Variants in FCMR observed in about 807,000 individuals in gnomAD.
FCMR encodes the protein Fc mu receptor.
In FCMR, 34 loss-of-function variants were observed where a neutral mutation model predicts 41.6. The observed-to-expected ratio is 0.82, with a 90% CI of 0.62 to 1.09. The LOEUF (loss-of-function observed/expected upper bound fraction) is 1.09, where lower values mean the gene tolerates loss of function less well. Ranked by LOEUF, FCMR falls within the 50% of genes least tolerant of loss-of-function variation. The pLI, the probability that FCMR is intolerant of heterozygous loss-of-function variation, is 0.00. For missense variants in FCMR, 496 were observed against 512.5 expected, an observed-to-expected ratio of 0.97 and a Z score of 0.31; for synonymous variants, 209 against 211.8, an observed-to-expected ratio of 0.99 and a Z score of 0.12.
chr1:206,920,949 G>C (rs1679412433), intron 1 of FCMR, among the ~76,000 whole-genome samples: 1 of 152,236 alleles, frequency 6.6e-6, no homozygotes, highest in Non-Finnish European at 1.5e-5. Context: ...AGCCATTCTG[G>C]CATTTTGTGG....
intron 1 of FCMR, among the ~76,000 whole-genome samples, chr1:206,921,160 T>A (rs1679424083): frequency 6.6e-6 from 1 of 152,194 alleles, no homozygotes; most frequent in Non-Finnish European, 1.5e-5. Context: ...GAATTTTCAT[T>A]TAGGGTTGAA....
At position 206,910,226 on chromosome 1, in the gene FCMR, G is replaced by C. The variant is rs1678870267; in HGVS notation, c.825C>G (p.Ala275=). The C allele has an allele frequency of 1.2e-6, 2 of 1,602,270 alleles. No homozygotes were observed. Among genetic ancestry groups the C allele is most frequent in the East Asian group, 2.3e-5 (1 of 44,342 alleles). ...GCCGCTCACCTTTCCTCCTTTCAAC[G>C]GCCCTTTTCACCACCAGCCCCAGAA... ...LALLGLVVKR[A]VERRKALSRR... is the part of the protein sequence containing the mutation. The change falls in exon 5 of 8, where the codon GCC becomes GCG. Residue 275 remains alanine (A), a synonymous_variant. Coordinates refer to ENST00000367091, the MANE Select transcript of FCMR (RefSeq NM_005449.5).
Position 206,904,766 on chromosome 1 carries a change from A to C in FCMR, c.*253T>G. ...TGTTCGACGGCTTGGAAAGGAAGCA[A>C]GTGGCATTGGGACAATTGCTCTACA... On this transcript the variant is annotated 3_prime_UTR_variant, in exon 8 of 8. Coordinates refer to ENST00000367091, the MANE Select transcript of FCMR (RefSeq NM_005449.5). 2 of 473,062 alleles carry C rather than the reference A, an allele frequency of 4.2e-6. No homozygotes were observed. The highest frequency in any genetic ancestry group is 4.7e-5 in the South Asian group (2 of 42,376). The allele number at this position is 473,062 out of a possible 1,614,324, so 29.3% of individuals were successfully genotyped here.
At position 206,909,550 on chromosome 1, in the gene FCMR, G is replaced by T. The variant is rs1294658416; in HGVS notation, c.986-30C>A. On this transcript the variant is annotated intron_variant, in intron 6 of 7. Coordinates refer to ENST00000367091, the MANE Select transcript of FCMR (RefSeq NM_005449.5). The surrounding 1 kb of genome is among the most constrained non-coding windows in gnomAD (Gnocchi z 5.0). ...GGAACAGCGAGGGCGAGGTGAGGCG[G>T]CGGCCGAGGCTCCCGCCCCACCGTC... The T allele has an allele frequency of 2.1e-5, 27 of 1,316,814 alleles. No individual in the cohort carries two copies. The South Asian group carries it at 4.3e-4, about 21-fold the overall frequency. The allele number at this position is 1,316,814 out of a possible 1,614,324, so 81.6% of individuals were successfully genotyped here.
intron 1 of FCMR, chr1:206,917,728 T>A (rs79543561): frequency 2.3e-6 from 1 of 437,964 alleles, no homozygotes; most frequent in African/African-American, 2.1e-5. Flanking sequence ...CTGGGCTCAA[T>A]TGAGGCTCCC....
intron 1 of FCMR, 36 bp from the exon 2 acceptor site, chr1:206,914,130 A>G (rs1195578434): frequency 2.0e-6 from 3 of 1,497,784 alleles, no homozygotes; most frequent in Non-Finnish European, 2.8e-6. Context: ...AGGGAGCCCC[A>G]TCTCTAACTA....
rs1678556264 is a variant in FCMR at position 206,904,938 on chromosome 1, C to T, written c.*81G>A. The T allele has an allele frequency of 7.1e-7, 1 of 1,398,794 alleles. No individual in the cohort carries two copies. The highest frequency in any genetic ancestry group is 1.4e-5 in the African/African-American group (1 of 70,668). 86.6% of individuals were successfully genotyped at this position (1,398,794 alleles called of 1,614,324 possible). A position where few individuals can be genotyped will look rare whatever the true frequency, so the allele number is the denominator to read the frequency against. On this transcript the variant is annotated 3_prime_UTR_variant, in exon 8 of 8. Transcript: ENST00000367091. ...ATGAGGGCTCTGAGAACACATGAAGCAGGTATTGGACATCAGCAGATAGAT... is the reference window on the plus strand; with the variant it reads ...ATGAGGGCTCTGAGAACACATGAAGTAGGTATTGGACATCAGCAGATAGAT...
At chr1:206,915,620 A>G (rs1487025979) in intron 1 of FCMR, among the ~76,000 whole-genome samples, 3 of 152,148 alleles carry the variant, frequency 2.0e-5, no homozygotes, top group Non-Finnish European at 2.9e-5. Context: ...AACTAAGCGG[A>G]TCCCATAAGT....
chr1:206,909,770 T>A lies in FCMR; in HGVS notation c.940A>T (p.Ile314Phe). The A allele has an allele frequency of 1.4e-6, 2 of 1,464,380 alleles. No homozygotes were observed. Among genetic ancestry groups the A allele is most frequent in the Non-Finnish European group, 1.8e-6 (2 of 1,117,166 alleles). The allele number at this position is 1,464,380 out of a possible 1,614,324, so 90.7% of individuals were successfully genotyped here. A position where few individuals can be genotyped will look rare whatever the true frequency, so the allele number is the denominator to read the frequency against. The change falls in exon 6 of 8, where the codon ATC becomes TTC. Residue 314 changes from isoleucine (I) to phenylalanine (F), a missense_variant. Transcript: ENST00000367091. This position sits in a 1 kb window ranked among gnomAD's most constrained non-coding sequence, Gnocchi z 5.0. The stretch of plus-strand genomic sequence containing the variant: ...GCGCGCCGCGGGCAGGCGCTGTAGA[T>A]GTTGTTTTGGGAGCGCGGTCGCGGC... Reference protein sequence around the residue: ...GSPRPRSQNNIYSACPRRARG... With the variant: ...GSPRPRSQNNFYSACPRRARG...
intron 1 of FCMR, among the ~76,000 whole-genome samples, chr1:206,919,408 C>A (rs1679339477): frequency 6.6e-6 from 1 of 152,090 alleles, no homozygotes; most frequent in Admixed American, 6.5e-5. Context: ...CCAGCCTGGG[C>A]AACATGGTGA....
intron 3 of FCMR, among the ~76,000 whole-genome samples, chr1:206,912,463 T>C (rs1678984346): frequency 6.6e-6 from 1 of 152,226 alleles, no homozygotes; most frequent in Non-Finnish European, 1.5e-5. Context: ...TGGATGATGA[T>C]ATCAAAATGT....
chr1:206,921,577 G>T, intron 1 of FCMR: 1 of 580,144 alleles, frequency 1.7e-6, no homozygotes, highest in Non-Finnish European at 3.1e-6. Flanking sequence ...CTCCAGCCTG[G>T]GTGATAGAGT....
intron 1 of FCMR, chr1:206,917,827 C>T (rs958536482): frequency 2.6e-5 from 12 of 454,298 alleles, no homozygotes; most frequent in African/African-American, 1.8e-4. Flanking sequence ...GGCTTTCACC[C>T]AGGCTGGTCT....
intron 1 of FCMR, among the ~76,000 whole-genome samples, chr1:206,919,446 A>G (rs1679341248): frequency 6.6e-6 from 1 of 152,046 alleles, no homozygotes; most frequent in South Asian, 2.1e-4. Context: ...AAATACAAAA[A>G]TTAGCCAGGA....
rs762880718 is a variant in FCMR at position 206,914,014 on chromosome 1, G to A, written c.118C>T (p.Pro40Ser). ...AGATATATCCTCACATGCATTTCAGGAAGTGGGCACTTGATGGTAACTGAT... is the reference window on the plus strand; with the variant it reads ...AGATATATCCTCACATGCATTTCAGAAAGTGGGCACTTGATGGTAACTGAT... Reference protein sequence around the residue: ...GGSVTIKCPLPEMHVRIYLCR... With the variant: ...GGSVTIKCPLSEMHVRIYLCR... Residue 40 changes from proline to serine, a missense_variant, in exon 2 of 8, where the codon CCT (proline) becomes TCT (serine). Transcript: ENST00000367091. The A allele has an allele frequency of 6.2e-7, 1 of 1,614,204 alleles. No homozygotes were observed.
chr1:206,912,053 T>C, intron 3 of FCMR, 101 bp from the exon 4 acceptor site: 1 of 881,742 alleles, frequency 1.1e-6, no homozygotes, highest in Non-Finnish European at 1.8e-6. Flanking sequence ...TTCCCTTTTA[T>C]ACAGACTACT....
intron 4 of FCMR, 23 bp downstream of exon 4, chr1:206,911,707 G>C: frequency 6.2e-7 from 1 of 1,600,766 alleles, no homozygotes; most frequent in East Asian, 2.2e-5. Context: ...CCTAACTCTA[G>C]ATCCTGGACA....
chr1:206,910,561 C>A lies in FCMR; in HGVS notation c.711-221G>T, dbSNP rs577498988. ...CTTTTACTGGTTGTGTGATCTCGAA[C>A]GAGTCTCCTAACCTCTCTGAGCCTT... On this transcript the variant is annotated intron_variant, in intron 4 of 7. Coordinates refer to ENST00000367091, the MANE Select transcript of FCMR (RefSeq NM_005449.5). Among the ~76,000 whole-genome samples the A allele has an allele frequency of 7.2e-5, 11 of 152,166 alleles. No individual in the cohort carries two copies. The South Asian group carries it at 1.7e-3, about 23-fold the overall frequency.
chr1:206,914,315 TTCCTTCCTTCCTTCCTTCCTTCC>T (rs1679087193), intron 1 of FCMR, among the ~76,000 whole-genome samples: 4 of 7,054 alleles, frequency 5.7e-4, no homozygotes, highest in Admixed American at 2.0e-3. Flanking sequence ...TTTTCTTTCC[TTCCTTCCTTCCTTCCTTCCTTCC>T]TTCCTTCCTT....
Sources: allele counts gnomAD v4.1 joint callset (sites outside exome capture counted in the v4.1 genomes callset), GRCh38; gene constraint gnomAD v4.1.1; non-coding constraint Gnocchi (gnomAD v3.1); transcripts MANE v1.5; gene names NCBI Gene and HGNC (gene_info 2026-07-23, HGNC 2026-07-21).